Variants in RBBP5 observed in about 807,000 individuals in gnomAD.
The protein encoded by RBBP5 is retinoblastoma-binding protein 5.
Under a neutral mutation model 72.2 loss-of-function variants are expected in RBBP5, and 5 were observed. That is an observed-to-expected ratio of 0.07 (90% confidence interval 0.04 to 0.15). The LOEUF (loss-of-function observed/expected upper bound fraction) is 0.15, where lower values mean the gene tolerates loss of function less well. Ranked by LOEUF, RBBP5 falls within the 10% of genes least tolerant of loss-of-function variation. The pLI is 1.00. For synonymous variants in RBBP5, 209 were observed against 237.2 expected, an observed-to-expected ratio of 0.88 and a Z score of 1.09; for missense variants, 322 against 652.2, an observed-to-expected ratio of 0.49 and a Z score of 5.51.
chr1:205,097,950 C>T lies in RBBP5; in HGVS notation c.1097-555G>A, dbSNP rs145579695. Among the ~76,000 whole-genome samples the T allele has an allele frequency of 1.1e-3, 165 of 152,220 alleles. 1 individual carries two copies. Among genetic ancestry groups the T allele is most frequent in the African/African-American group, 3.7e-3 (155 of 41,534 alleles). On this transcript the variant is annotated intron_variant, in intron 10 of 13. Coordinates refer to ENST00000264515, the MANE Select transcript of RBBP5 (RefSeq NM_005057.4). Reference sequence around the variant, plus strand: ...TGGCATTAATTACTCACTGACAGTGCCAACTGGGCATCCTAAGCATTCACC... The same window carrying T: ...TGGCATTAATTACTCACTGACAGTGTCAACTGGGCATCCTAAGCATTCACC...
At chr1:205,109,585 A>G (rs12733510) in intron 3 of RBBP5, among the ~76,000 whole-genome samples, 1 of 149,588 alleles carries the variant, frequency 6.7e-6, no homozygotes, top group Non-Finnish European at 1.5e-5. Flanking sequence ...AAAAAAAAAA[A>G]GAAAAAAAAC....
intron 13 of RBBP5, among the ~76,000 whole-genome samples, chr1:205,089,351 C>T (rs1655248506): frequency 6.6e-6 from 1 of 152,106 alleles, no homozygotes; most frequent in South Asian, 2.1e-4. Context: ...TGCTATACAC[C>T]AACAATGATC....
At chr1:205,112,324 A>C (rs1363762556) in intron 3 of RBBP5, among the ~76,000 whole-genome samples, 2 of 152,200 alleles carry the variant, frequency 1.3e-5, no homozygotes, top group African/African-American at 4.8e-5. Context: ...TCTCAAAAAA[A>C]TTAAAATAAA....
chr1:205,089,053 G>GCC (rs1655236784), intron 13 of RBBP5, among the ~76,000 whole-genome samples: 1 of 152,174 alleles, frequency 6.6e-6, no homozygotes. Flanking sequence ...CAAAGGGTTG[G>GCC]GGGAAAAGCA....
chr1:205,087,170 C>A lies in RBBP5; in HGVS notation c.*1617G>T, dbSNP rs541076822. 3 of 151,080 alleles carry A rather than the reference C, an allele frequency of 2.0e-5. No individual in the cohort carries two copies. The highest frequency in any genetic ancestry group is 7.3e-5 in the African/African-American group (3 of 41,216). The allele number at this position is 151,080 out of a possible 1,614,324, so 9.4% of individuals were successfully genotyped here. On this transcript the variant is annotated 3_prime_UTR_variant, in exon 14 of 14. Coordinates refer to ENST00000264515, the MANE Select transcript of RBBP5 (RefSeq NM_005057.4). ...AACAGGTAATCAATGTGTTTGGCTACCTATAGGAGCATCCACCAACTGATA... is the reference window on the plus strand; with the variant it reads ...AACAGGTAATCAATGTGTTTGGCTAACTATAGGAGCATCCACCAACTGATA...
At position 205,087,279 on chromosome 1, in the gene RBBP5, C is replaced by G. The variant is rs550316725; in HGVS notation, c.*1508G>C. 1 of 151,722 alleles carries G rather than the reference C, an allele frequency of 6.6e-6. No individual in the cohort carries two copies. The highest frequency in any genetic ancestry group is 2.1e-4 in the South Asian group (1 of 4,814). The allele number at this position is 151,722 out of a possible 1,614,324, so 9.4% of individuals were successfully genotyped here. ...TGGTGCGATCTCCACTCACTGCAACCTCTGCCTCCCACGTTCAAGTGATTC... is the reference window on the plus strand; with the variant it reads ...TGGTGCGATCTCCACTCACTGCAACGTCTGCCTCCCACGTTCAAGTGATTC... On this transcript the variant is annotated 3_prime_UTR_variant, in exon 14 of 14. Transcript: ENST00000264515.
At chr1:205,116,650 C>T (rs902948331) in intron 1 of RBBP5, among the ~76,000 whole-genome samples, 4 of 152,166 alleles carry the variant, frequency 2.6e-5, no homozygotes, top group Non-Finnish European at 5.9e-5. Context: ...CCCGTCTCTA[C>T]TAAAAATACA....
At chr1:205,114,575 C>T (rs189219281) in intron 3 of RBBP5, among the ~76,000 whole-genome samples, 36 of 152,070 alleles carry the variant, frequency 2.4e-4, no homozygotes, top group Admixed American at 3.9e-4. Flanking sequence ...ATATTCTCAG[C>T]GCCTGATACA....
rs925891411 is a variant in RBBP5, at chr1:205,101,533, A to T, written c.632+67T>A. 29 of 1,154,486 alleles carry T rather than the reference A, an allele frequency of 2.5e-5. No homozygotes were observed. In the South Asian group the frequency reaches 4.6e-4, roughly 18 times the overall value. The allele number at this position is 1,154,486 out of a possible 1,614,324, so 71.5% of individuals were successfully genotyped here. A position where few individuals can be genotyped will look rare whatever the true frequency, so the allele number is the denominator to read the frequency against. Reference sequence around the variant, plus strand: ...AGTATAATATACATGAAAACTGCAAATCTCCATGTATTTTTGCATTCTATT... The same window carrying T: ...AGTATAATATACATGAAAACTGCAATTCTCCATGTATTTTTGCATTCTATT... On this transcript the variant is annotated intron_variant, in intron 6 of 13. Transcript: ENST00000264515.
intron 1 of RBBP5, among the ~76,000 whole-genome samples, chr1:205,116,769 G>A (rs1158221534): frequency 6.6e-6 from 1 of 152,106 alleles, no homozygotes; most frequent in African/African-American, 2.4e-5. Flanking sequence ...AGCTGAGATC[G>A]TGCCACTGCA....
chr1:205,111,928 T>C (rs1033266707), intron 3 of RBBP5, among the ~76,000 whole-genome samples: 3 of 152,102 alleles, frequency 2.0e-5, no homozygotes, highest in Admixed American at 6.6e-5. Flanking sequence ...TTCCCCATTG[T>C]ACCATACTTG....
chr1:205,116,208 G>T, intron 1 of RBBP5: 1 of 421,600 alleles, frequency 2.4e-6, no homozygotes, highest in Admixed American at 3.8e-5. Flanking sequence ...TCACAACAGT[G>T]GCATTTTCCT....
At chr1:205,098,297 C>G (rs1022506001) in intron 10 of RBBP5, among the ~76,000 whole-genome samples, 4 of 152,194 alleles carry the variant, frequency 2.6e-5, no homozygotes, top group Admixed American at 2.6e-4. Flanking sequence ...TGACCCTTCT[C>G]TTACTGACAA....
Position 205,087,129 on chromosome 1 carries a change from T to G in RBBP5, c.*1658A>C, listed in dbSNP as rs1328251722. ...TCTTGCTGACGTGCTCTACTTTGAT[T>G]TCTATCCTAAAATCTAACAGGTAAT... On this transcript the variant is annotated 3_prime_UTR_variant, in exon 14 of 14. Transcript: ENST00000264515. 1.1e-4 allele frequency: 16 copies of G among 152,164 alleles called. No homozygotes were observed. Among genetic ancestry groups the G allele is most frequent in the Admixed American group, 1.0e-3 (16 of 15,272 alleles). 9.4% of individuals were successfully genotyped at this position (152,164 alleles called of 1,614,324 possible).
At chr1:205,115,088 C>G in intron 2 of RBBP5, 127 bp from the exon 3 acceptor site, 1 of 873,214 alleles carries the variant, frequency 1.1e-6, no homozygotes, top group Admixed American at 3.0e-5. Flanking sequence ...CAAATAATCT[C>G]TCTGTGTCTT....
chr1:205,118,302 C>T (rs1008036239), intron 1 of RBBP5, among the ~76,000 whole-genome samples: 1 of 151,940 alleles, frequency 6.6e-6, no homozygotes, highest in African/African-American at 2.4e-5. Context: ...TGAGTTGGAA[C>T]AAATGTTGCA....
At position 205,095,958 on chromosome 1, in the gene RBBP5, C is replaced by T. The variant is rs144318449; in HGVS notation, c.1396+724G>A. ...CTGTAATCCCAGCACTTAGGGAGGC[C>T]GAGGCAGGCGGATCACTTGAGGTCT... is the stretch of plus-strand genomic sequence containing the variant. On this transcript the variant is annotated intron_variant, in intron 12 of 13. Coordinates refer to ENST00000264515, the MANE Select transcript of RBBP5 (RefSeq NM_005057.4). Among the ~76,000 whole-genome samples the T allele has an allele frequency of 1.1e-3, 164 of 152,110 alleles. 1 individual carries two copies. Among genetic ancestry groups the T allele is most frequent in the African/African-American group, 3.7e-3 (153 of 41,492 alleles).
chr1:205,093,537 C>T (rs868593835), intron 13 of RBBP5, among the ~76,000 whole-genome samples: 2 of 67,124 alleles, frequency 3.0e-5, no homozygotes, highest in Non-Finnish European at 5.1e-5. Flanking sequence ...TATATATACA[C>T]ACACACACAC....
In RBBP5 at chr1:205,099,700, A is replaced by C. The variant is rs935016670; in HGVS notation, c.978+41T>G. On this transcript the variant is annotated intron_variant, in intron 9 of 13. Coordinates refer to ENST00000264515, the MANE Select transcript of RBBP5 (RefSeq NM_005057.4). This position sits in a 1 kb window ranked among gnomAD's most constrained non-coding sequence, Gnocchi z 4.7. ...TGTATAAGGTTCTTTGATAAAAAGA[A>C]GGGGTAACTAGTTTCGAAGCAAGTA... 7 of 1,524,916 alleles carry C rather than the reference A, an allele frequency of 4.6e-6. No homozygotes were observed. Among genetic ancestry groups the C allele is most frequent in the Non-Finnish European group, 6.3e-6 (7 of 1,112,102 alleles). 94.5% of individuals were successfully genotyped at this position (1,524,916 alleles called of 1,614,324 possible). A position where few individuals can be genotyped will look rare whatever the true frequency, so the allele number is the denominator to read the frequency against.
Sources: allele counts gnomAD v4.1 joint callset (sites outside exome capture counted in the v4.1 genomes callset), GRCh38; gene constraint gnomAD v4.1.1; non-coding constraint Gnocchi (gnomAD v3.1); transcripts MANE v1.5; gene names NCBI Gene and HGNC (gene_info 2026-07-23, HGNC 2026-07-21).